LITAF: variants seen among roughly 807,000 people sequenced by gnomAD.
LITAF encodes the protein lipopolysaccharide induced TNF factor, also known as lipopolysaccharide-induced tumor necrosis factor-alpha factor.
In LITAF, 9 loss-of-function variants were observed where a neutral mutation model predicts 14.5. That is an observed-to-expected ratio of 0.62 (90% CI 0.37 to 1.08). The LOEUF is 1.08. Among genes scored for constraint, LITAF ranks in the 50% least tolerant of loss-of-function variants. The probability of loss-of-function intolerance (pLI) is 0.01; values close to 1 mark genes in which losing one functional copy is unlikely to be tolerated. For synonymous variants in LITAF, 98 were observed against 88.2 expected (o/e 1.11, Z -0.62); for missense variants, 206 against 213.4 (o/e 0.97, Z 0.22).
At chr16:11,624,514 C>G (rs1434618372) in intron 3 of LITAF, among the ~76,000 whole-genome samples, 1 of 152,194 alleles carries the variant, frequency 6.6e-6, no homozygotes, top group Admixed American at 6.5e-5. Flanking sequence ...TCAAAAATAA[C>G]AAATGCCTAC....
chr16:11,626,488 C>G (rs2065084709), intron 3 of LITAF, among the ~76,000 whole-genome samples: 1 of 152,236 alleles, frequency 6.6e-6, no homozygotes, highest in South Asian at 2.1e-4. Context: ...GGACTACAGG[C>G]AGGCATCACC....
chr16:11,552,989 C>A (rs2064204649), intron 3 of LITAF, among the ~76,000 whole-genome samples: 1 of 151,988 alleles, frequency 6.6e-6, no homozygotes, highest in African/African-American at 2.4e-5. Flanking sequence ...ACGGTGCACA[C>A]CTGTAATCCC....
intron 1 of LITAF, among the ~76,000 whole-genome samples, chr16:11,592,446 G>A (rs2064853156): frequency 6.6e-6 from 1 of 151,904 alleles, no homozygotes; most frequent in African/African-American, 2.4e-5. Context: ...CATGGTGACA[G>A]GCACCTGTGG....
intron 1 of LITAF, among the ~76,000 whole-genome samples, chr16:11,581,910 G>T (rs1036151268): frequency 1.3e-5 from 2 of 152,126 alleles, no homozygotes; most frequent in African/African-American, 4.8e-5. Flanking sequence ...GTAGAGAAAA[G>T]AACTGTGGTT....
At chr16:11,637,968 ATATATCTATATATATC>A (rs2065146501), upstream of LITAF, among the ~76,000 whole-genome samples, 4 of 36,988 alleles carry the variant, frequency 1.1e-4, no homozygotes, top group African/African-American at 7.9e-4. Context: ...ATATATATCT[ATATATCTATATATATC>A]TATATATATC....
chr16:11,553,702 A>G lies in LITAF; in HGVS notation c.221-13T>C, dbSNP rs1417711654. The G allele has an allele frequency of 6.2e-7, 1 of 1,614,028 alleles. No individual in the cohort carries two copies. ...GTCTGCACGGTAACTGATGAAAGGG[A>G]GAGGGACAAACACAGGTTGCTCAGG... On this transcript the variant is annotated splice_polypyrimidine_tract_variant and intron_variant, in intron 2 of 3. Transcript: ENST00000622633. The surrounding 1 kb of genome is among the most constrained non-coding windows in gnomAD (Gnocchi z 7.7).
chr16:11,575,120 C>T (rs1173210313), intron 1 of LITAF, among the ~76,000 whole-genome samples: 2 of 151,714 alleles, frequency 1.3e-5, no homozygotes, highest in African/African-American at 2.4e-5. Context: ...CTTTTTTTTT[C>T]ATGTTGCACT....
chr16:11,574,374 C>T (rs1478074267), intron 1 of LITAF, among the ~76,000 whole-genome samples: 1 of 152,058 alleles, frequency 6.6e-6, no homozygotes, highest in Non-Finnish European at 1.5e-5. Context: ...CAAAAAATGT[C>T]TCCAAAGGCA....
upstream of LITAF, among the ~76,000 whole-genome samples, chr16:11,600,939 A>G (rs1260640889): frequency 6.6e-6 from 1 of 152,288 alleles, no homozygotes; most frequent in East Asian, 1.9e-4. This position sits in a 1 kb window ranked among gnomAD's most constrained non-coding sequence, Gnocchi z 4.1. Flanking sequence ...TAATACAGGC[A>G]AACCGGGGCA....
intron 1 of LITAF, among the ~76,000 whole-genome samples, chr16:11,593,841 G>T (rs2141853914): frequency 6.6e-6 from 1 of 152,242 alleles, no homozygotes. Flanking sequence ...AAAGGATTGG[G>T]GGGTGACTGC....
intron 3 of LITAF, among the ~76,000 whole-genome samples, chr16:11,603,846 C>T (rs1228758231): frequency 6.6e-6 from 1 of 150,412 alleles, no homozygotes; most frequent in African/African-American, 2.5e-5. Context: ...AGATCGAGAC[C>T]ATCCTGGCTA....
At chr16:11,585,655 G>A (rs938761133) in intron 1 of LITAF, among the ~76,000 whole-genome samples, 2 of 152,166 alleles carry the variant, frequency 1.3e-5, no homozygotes, top group South Asian at 2.1e-4. Flanking sequence ...GAGAAGGCAG[G>A]GGGTGAGAGG....
chr16:11,581,839 C>A (rs968057032), intron 1 of LITAF, among the ~76,000 whole-genome samples: 1 of 152,150 alleles, frequency 6.6e-6, no homozygotes, highest in Non-Finnish European at 1.5e-5. Flanking sequence ...AGTCCGCACT[C>A]CCCTCGAAAG....
upstream of LITAF, chr16:11,598,517 G>T (rs1218048681): frequency 6.6e-6 from 1 of 152,254 alleles, no homozygotes; most frequent in African/African-American, 2.4e-5. Context: ...AGAAGGGGAA[G>T]CGCAGGTAGG....
intron 3 of LITAF, among the ~76,000 whole-genome samples, chr16:11,606,762 G>A (rs1369493757): frequency 1.3e-5 from 2 of 151,956 alleles, no homozygotes; most frequent in Non-Finnish European, 2.9e-5. Flanking sequence ...AGCCTCCCGA[G>A]TAGCTGGGAC....
chr16:11,638,741 A>T (rs995693523), upstream of LITAF, among the ~76,000 whole-genome samples: 4 of 142,450 alleles, frequency 2.8e-5, no homozygotes, highest in African/African-American at 1.1e-4. Flanking sequence ...AAAAAAAAAA[A>T]CCCTGGAAAT....
intron 3 of LITAF, among the ~76,000 whole-genome samples, chr16:11,613,553 G>T (rs2064996735): frequency 6.6e-6 from 1 of 152,206 alleles, no homozygotes. Flanking sequence ...ACTCCTGGAG[G>T]GTGGGGCCCC....
At position 11,619,564 on chromosome 16, in the gene LITAF, C is replaced by T. The variant is rs538585700; in HGVS notation, c.85+13969G>A. On this transcript the variant is annotated intron_variant, in intron 3 of 3. Coordinates refer to the LITAF transcript ENST00000574848. ...TCTTGGCTTATATTCTACTTTCCCA[C>T]TTTGTTTTTGTTTTTTTTTTTGGAG... Among the ~76,000 whole-genome samples, 3 of 150,926 alleles carry T rather than the reference C, an allele frequency of 2.0e-5. No homozygotes were observed. In the South Asian group the frequency reaches 6.3e-4, roughly 32 times the overall value.
upstream of LITAF, among the ~76,000 whole-genome samples, chr16:11,588,535 AGAAAAAG>A (rs1427980055): frequency 7.4e-6 from 1 of 135,280 alleles, no homozygotes; most frequent in Non-Finnish European, 1.7e-5. Flanking sequence ...AAAAAAAGAA[AGAAAAAG>A]AAGAAAGAAA....
Sources: allele counts gnomAD v4.1 joint callset (sites outside exome capture counted in the v4.1 genomes callset), GRCh38; gene constraint gnomAD v4.1.1; non-coding constraint Gnocchi (gnomAD v3.1); transcripts MANE v1.5; gene names NCBI Gene and HGNC (gene_info 2026-07-23, HGNC 2026-07-21).